Variants in TGIF1 observed in about 807,000 individuals in gnomAD.
The protein encoded by TGIF1 is homeobox protein TGIF1.
A neutral mutation model predicts 19.3 loss-of-function variants in TGIF1; 4 were observed. The observed-to-expected ratio is 0.21, with a 90% CI of 0.10 to 0.47. The LOEUF is 0.47. TGIF1 is among the 20% of genes least tolerant of loss of function. TGIF1 has a pLI of 0.98. For synonymous variants in TGIF1, 122 were observed against 129.3 expected (o/e 0.94, Z 0.38); for missense variants, 275 against 341.4 (o/e 0.81, Z 1.53).
chr18:3,449,812 G>C, upstream of TGIF1: 2 of 985,702 alleles, frequency 2.0e-6, no homozygotes, highest in Non-Finnish European at 2.4e-6. Context: ...GAGGGAAGGA[G>C]GGAGGTGTCC....
At chr18:3,449,945 G>T, upstream of TGIF1, 1 of 986,514 alleles carries the variant, frequency 1.0e-6, no homozygotes, top group Non-Finnish European at 1.2e-6. Flanking sequence ...GGATGCGGGC[G>T]GTCCGTGCGC....
chr18:3,456,163 G>GCT lies in TGIF1; in HGVS notation c.17-191_17-190insCT. 1.5e-6 allele frequency: 1 copy of GCT among 684,586 alleles called. No homozygotes were observed. Among genetic ancestry groups the GCT allele is most frequent in the Non-Finnish European group, 2.6e-6 (1 of 380,102 alleles). 42.4% of individuals were successfully genotyped at this position (684,586 alleles called of 1,614,324 possible). ...GAAAAGGCATCTGGCATTTGGTTGA[G>GCT]AGCCTCCTATGTGGTGCTAGTCAAA... On this transcript the variant is annotated intron_variant, in intron 1 of 2. Coordinates refer to ENST00000343820, the MANE Select transcript of TGIF1 (RefSeq NM_003244.4). This position sits in a 1 kb window ranked among gnomAD's most constrained non-coding sequence, Gnocchi z 4.2.
intron 2 of TGIF1, among the ~76,000 whole-genome samples, chr18:3,424,368 T>C (rs77078300): frequency 0.016 from 2,458 of 152,276 alleles, 73 homozygotes; most frequent in African/African-American, 0.055. Flanking sequence ...GTCAAGTTTT[T>C]ACTGTAATCC....
At position 3,451,354 on chromosome 18, in the gene TGIF1, G is replaced by T; in HGVS notation, c.16+849G>T. ...AAACAAAATACACCGGAGGGGGACG[G>T]GGGGTGGAGAAACCACACAAAACAC... is the stretch of plus-strand genomic sequence containing the variant. On this transcript the variant is annotated intron_variant, in intron 1 of 2. Coordinates refer to ENST00000343820, the MANE Select transcript of TGIF1 (RefSeq NM_003244.4). This position sits in a 1 kb window ranked among gnomAD's most constrained non-coding sequence, Gnocchi z 5.4. 3.0e-6 allele frequency: 3 copies of T among 985,062 alleles called. No homozygotes were observed. Among genetic ancestry groups the T allele is most frequent in the Non-Finnish European group, 3.6e-6 (3 of 829,904 alleles). 61.0% of individuals were successfully genotyped at this position (985,062 alleles called of 1,614,324 possible).
At position 3,457,620 on chromosome 18, in the gene TGIF1, T is replaced by C; in HGVS notation, c.499T>C (p.Leu167=). Residue 167 remains leucine (L), a synonymous_variant, in exon 3 of 3, where the codon TTG becomes CTG. Coordinates refer to ENST00000343820, the MANE Select transcript of TGIF1 (RefSeq NM_003244.4). The surrounding 1 kb of genome is among the most constrained non-coding windows in gnomAD (Gnocchi z 4.9). ...SPKPSSPGSV[L]ARPSVICHTT... is the part of the protein sequence containing the mutation. Reference sequence around the variant, plus strand: ...TAAGCCGTCATCCCCGGGATCAGTTTTGGCTCGTCCATCAGTGATCTGCCA... The same window carrying C: ...TAAGCCGTCATCCCCGGGATCAGTTCTGGCTCGTCCATCAGTGATCTGCCA... The C allele has an allele frequency of 6.2e-7, 1 of 1,614,222 alleles. No homozygotes were observed.
intron 2 of TGIF1, among the ~76,000 whole-genome samples, chr18:3,440,188 T>G (rs1373198365): frequency 6.6e-6 from 1 of 152,048 alleles, no homozygotes; most frequent in Non-Finnish European, 1.5e-5. Context: ...CGGTCTCTAC[T>G]AAAAATACAA....
chr18:3,428,477 C>T (rs1030534670), intron 2 of TGIF1, among the ~76,000 whole-genome samples: 8 of 151,938 alleles, frequency 5.3e-5, no homozygotes, highest in Non-Finnish European at 1.2e-4. Context: ...GCGGCTCATG[C>T]CTGTAATCCC....
At chr18:3,427,194 T>A (rs937080427) in intron 2 of TGIF1, among the ~76,000 whole-genome samples, 44 of 152,140 alleles carry the variant, frequency 2.9e-4, no homozygotes, top group African/African-American at 1.1e-3. Context: ...TCCACCCGCC[T>A]CGGCCTCTCA....
chr18:3,450,584 C>T (rs1220941678), intron 1 of TGIF1, 79 bp downstream of exon 1: 1 of 1,548,022 alleles, frequency 6.5e-7, no homozygotes, highest in Admixed American at 2.0e-5. Context: ...CGCGCGGAGT[C>T]ACTTGGTGGA....
At chr18:3,415,582 C>A in intron 1 of TGIF1, 1 of 248,854 alleles carries the variant, frequency 4.0e-6, no homozygotes, top group South Asian at 4.4e-5. Context: ...GGGCGGTTCT[C>A]AGGAACATGC....
At chr18:3,452,554 C>T (rs1347858506) in intron 1 of TGIF1, among the ~76,000 whole-genome samples, 1 of 152,126 alleles carries the variant, frequency 6.6e-6, no homozygotes, top group Non-Finnish European at 1.5e-5. Flanking sequence ...TTTCTTGGGT[C>T]CTGGAGTTCC....
rs1349611280 is a variant in TGIF1, at chr18:3,415,436, A to G, written c.-117-2707A>G. ...GTAGACAGGGTTATTTCTCAGGCAG[A>G]GGATCCAAAATTAAACCACATCCTC... On this transcript the variant is annotated intron_variant, in intron 1 of 3. Coordinates refer to the TGIF1 transcript ENST00000401449. 6.0e-6 allele frequency: 3 copies of G among 496,414 alleles called. No individual in the cohort carries two copies. In the East Asian group the frequency reaches 1.7e-4, roughly 29 times the overall value. 30.8% of individuals were successfully genotyped at this position (496,414 alleles called of 1,614,324 possible).
At chr18:3,420,664 G>T (rs1223282328) in intron 2 of TGIF1, among the ~76,000 whole-genome samples, 1 of 152,190 alleles carries the variant, frequency 6.6e-6, no homozygotes, top group East Asian at 1.9e-4. Context: ...TGAATACAGA[G>T]ATGCCACACT....
rs1175505633 is a variant in TGIF1, at chr18:3,458,131, A to G, written c.*191A>G. On this transcript the variant is annotated 3_prime_UTR_variant, in exon 3 of 3. Transcript: ENST00000343820. ...ACTATAAACTTAAAGCTACTGTAGA[A>G]ACAAAGGGTTTTCTTTTTTAAATGT... 3.4e-6 allele frequency: 2 copies of G among 581,716 alleles called. No homozygotes were observed. Among genetic ancestry groups the G allele is most frequent in the African/African-American group, 3.7e-5 (2 of 53,424 alleles). 36.0% of individuals were successfully genotyped at this position (581,716 alleles called of 1,614,324 possible). A position where few individuals can be genotyped will look rare whatever the true frequency, so the allele number is the denominator to read the frequency against.
intron 2 of TGIF1, among the ~76,000 whole-genome samples, chr18:3,434,428 T>C (rs941053946): frequency 1.3e-5 from 2 of 150,886 alleles, no homozygotes; most frequent in Admixed American, 6.6e-5. Flanking sequence ...CCCAGCTACT[T>C]GGGAGGCTGA....
chr18:3,448,554 C>T (rs1010249461), upstream of TGIF1: 4 of 985,724 alleles, frequency 4.1e-6, no homozygotes, highest in Non-Finnish European at 4.8e-6. Flanking sequence ...GTGTTCTCTT[C>T]TGTCCCGAGC....
chr18:3,430,808 G>A (rs1014693711), intron 2 of TGIF1, among the ~76,000 whole-genome samples: 10 of 151,590 alleles, frequency 6.6e-5, no homozygotes, highest in Non-Finnish European at 1.2e-4. Context: ...CACTGCACCC[G>A]GCTAGTTTTA....
intron 2 of TGIF1, among the ~76,000 whole-genome samples, chr18:3,428,456 C>T (rs1429272209): frequency 2.6e-5 from 4 of 151,522 alleles, no homozygotes; most frequent in African/African-American, 7.3e-5. Context: ...TTATTTTGGC[C>T]GGGTATGGTG....
intron 1 of TGIF1, chr18:3,452,173 G>GGT: frequency 6.2e-7 from 1 of 1,613,592 alleles, no homozygotes; most frequent in Non-Finnish European, 8.5e-7. Flanking sequence ...CCAGCGCCGT[G>GGT]GTCCTCCCTG....
Sources: gnomAD v4.1 joint callset for allele counts (sites outside exome capture counted in the v4.1 genomes callset) on GRCh38, gnomAD v4.1.1 for gene constraint, Gnocchi (gnomAD v3.1) non-coding constraint, MANE v1.5 for transcripts, NCBI Gene and HGNC (gene_info 2026-07-23, HGNC 2026-07-21) for gene names.